The following TCF19 variants were observed in gnomAD, a reference collection of about 807,000 sequenced individuals.
TCF19 encodes the protein transcription factor 19.
Under a neutral mutation model 18.3 loss-of-function variants are expected in TCF19, and 9 were observed. That is an observed-to-expected ratio of 0.49 (90% CI 0.30 to 0.86). TCF19 has a LOEUF of 0.86. TCF19 is among the 40% of genes least tolerant of loss of function. The probability of loss-of-function intolerance (pLI) is 0.07; values close to 1 mark genes in which losing one functional copy is unlikely to be tolerated. For missense variants in TCF19, 376 were observed against 464.3 expected, an observed-to-expected ratio of 0.81 and a Z score of 1.75; for synonymous variants, 176 against 185.3, an observed-to-expected ratio of 0.95 and a Z score of 0.41.
rs1345807751 is a variant in TCF19 at position 31,159,439 on chromosome 6, T to A, written c.-31T>A. 21 of 1,506,522 alleles carry A rather than the reference T, an allele frequency of 1.4e-5. No individual in the cohort carries two copies. The East Asian group carries it at 5.0e-4, about 36-fold the overall frequency. The allele number at this position is 1,506,522 out of a possible 1,614,324, so 93.3% of individuals were successfully genotyped here. Reference sequence around the variant, plus strand: ...TGGGAAAGGAAATGGATGCCTGAAGTGGAAGAGGTGGTGCAGAGGGGGCAC... The same window carrying A: ...TGGGAAAGGAAATGGATGCCTGAAGAGGAAGAGGTGGTGCAGAGGGGGCAC... On this transcript the variant is annotated 5_prime_UTR_variant, in exon 2 of 4. Transcript: ENST00000376257.
chr6:31,161,814 G>A lies in TCF19; in HGVS notation c.606G>A (p.Leu202=). The change falls in exon 3 of 4, where the codon CTG becomes CTA. Residue 202 remains leucine (L), a synonymous_variant. Coordinates refer to ENST00000376257, the MANE Select transcript of TCF19 (RefSeq NM_007109.3). ...FSPSWGGPKS[L]PVPAPPGEMG... is the part of the protein sequence containing the mutation. ...CTAGTTGGGGTGGACCAAAGAGCCT[G>A]CCTGTTCCCGCCCCACCTGGGGAAA... 6.2e-7 allele frequency: 1 copy of A among 1,612,294 alleles called. No individual in the cohort carries two copies. The highest frequency in any genetic ancestry group is 1.1e-5 in the South Asian group (1 of 91,004).
Position 31,163,265 on chromosome 6 carries a change from G to A in TCF19, c.*548G>A. ...CTCCTGGGCATTTACTCTTCTTGTG[G>A]GTCTGTGATATTCCTTGCTTTCCAG... is the stretch of plus-strand genomic sequence containing the variant. On this transcript the variant is annotated 3_prime_UTR_variant, in exon 4 of 4. Transcript: ENST00000376257. 3.0e-6 allele frequency: 3 copies of A among 988,250 alleles called. No individual in the cohort carries two copies. The South Asian group carries it at 1.4e-4, about 46-fold the overall frequency. 61.2% of individuals were successfully genotyped at this position (988,250 alleles called of 1,614,324 possible).
chr6:31,161,400 T>G, intron 2 of TCF19, 47 bp from the exon 3 acceptor site: 1 of 1,340,612 alleles, frequency 7.5e-7, no homozygotes, highest in Non-Finnish European at 9.8e-7. Flanking sequence ...ACTCTGGTCA[T>G]TTCTGTTTTT....
Position 31,163,485 on chromosome 6 carries a change from T to C in TCF19, c.*768T>C. 1.0e-6 allele frequency: 1 copy of C among 985,448 alleles called. No individual in the cohort carries two copies. Among genetic ancestry groups the C allele is most frequent in the Non-Finnish European group, 1.2e-6 (1 of 829,940 alleles). The allele number at this position is 985,448 out of a possible 1,614,324, so 61.0% of individuals were successfully genotyped here. On this transcript the variant is annotated 3_prime_UTR_variant, in exon 4 of 4. Coordinates refer to ENST00000376257, the MANE Select transcript of TCF19 (RefSeq NM_007109.3). The stretch of plus-strand genomic sequence containing the variant: ...TTTAAATAAGGTAACTGGGATTTGG[T>C]TAAGTTCACAAAGATAGCAGAAGAT...
In TCF19 at chr6:31,159,170, T is replaced by C; in HGVS notation, c.-300T>C. ...TGGAGGCTCCCCAAATATTTTGCGA[T>C]CTGAGGATCCAGCTCAAGTGAGGTG... On this transcript the variant is annotated 5_prime_UTR_variant, in exon 2 of 4. Coordinates refer to ENST00000376257, the MANE Select transcript of TCF19 (RefSeq NM_007109.3). 2.4e-6 allele frequency: 1 copy of C among 418,232 alleles called. No individual in the cohort carries two copies. The highest frequency in any genetic ancestry group is 4.3e-6 in the Non-Finnish European group (1 of 234,666). The allele number at this position is 418,232 out of a possible 1,614,324, so 25.9% of individuals were successfully genotyped here.
rs1776961675 is a variant in TCF19, at chr6:31,163,722, A to G, written c.*1005A>G. On this transcript the variant is annotated 3_prime_UTR_variant, in exon 4 of 4. Transcript: ENST00000376257. The stretch of plus-strand genomic sequence containing the variant: ...TTTTGTGAGCCTTACACCAAGCCAA[A>G]CTATTGTCAAAGCATCATTTCTATA... 1.0e-6 allele frequency: 1 copy of G among 985,370 alleles called. No individual in the cohort carries two copies. The highest frequency in any genetic ancestry group is 1.7e-5 in the African/African-American group (1 of 57,238). The allele number at this position is 985,370 out of a possible 1,614,324, so 61.0% of individuals were successfully genotyped here.
chr6:31,161,377 T>A, intron 2 of TCF19, 70 bp from the exon 3 acceptor site: 1 of 1,222,710 alleles, frequency 8.2e-7, no homozygotes, highest in South Asian at 2.5e-5. Context: ...TCATACAGAT[T>A]TCTCCACTCC....
Position 31,162,188 on chromosome 6 carries a change from T to C in TCF19, c.797+183T>C, listed in dbSNP as rs1370493210. Among the ~76,000 whole-genome samples, 1 of 152,042 alleles carries C rather than the reference T, an allele frequency of 6.6e-6. No individual in the cohort carries two copies. The highest frequency in any genetic ancestry group is 6.6e-5 in the Admixed American group (1 of 15,258). ...AATATGTGCAGGAGAACATGAGAGG[T>C]GGGGTGGGGCAGTGCTTATAAAACA... On this transcript the variant is annotated intron_variant, in intron 3 of 3. Transcript: ENST00000376257. This position sits in a 1 kb window ranked among gnomAD's most constrained non-coding sequence, Gnocchi z 4.5.
At position 31,160,691 on chromosome 6, in the gene TCF19, G is replaced by A. The variant is rs1776703638; in HGVS notation, c.239-756G>A. ...GCAGAATCACTTGAACCCGGGAGGC[G>A]GAGGTTGCAGTGAGCTGAGATCGCA... On this transcript the variant is annotated intron_variant, in intron 2 of 3. Transcript: ENST00000376257. Among the ~76,000 whole-genome samples the A allele has an allele frequency of 3.9e-5, 6 of 152,196 alleles. No individual in the cohort carries two copies. The South Asian group carries it at 1.0e-3, about 26-fold the overall frequency.
Position 31,163,638 on chromosome 6 carries a change from G to A in TCF19, c.*921G>A. 1.0e-6 allele frequency: 1 copy of A among 985,468 alleles called. No individual in the cohort carries two copies. The highest frequency in any genetic ancestry group is 1.7e-5 in the African/African-American group (1 of 57,340). 61.0% of individuals were successfully genotyped at this position (985,468 alleles called of 1,614,324 possible). On this transcript the variant is annotated 3_prime_UTR_variant, in exon 4 of 4. Transcript: ENST00000376257. ...GGTGGACACAGCAGAGGGCAACTGG[G>A]CTGGCCTGGTTCAGTGTGAATCAAA...
At position 31,162,120 on chromosome 6, in the gene TCF19, GAT is replaced by G; in HGVS notation, c.797+116_797+117del. ...GGGGATGGGCACGGGAGGTGGAATA[GAT>G]GGAATGGCAAGACCTGGGTTAGCTC... is the stretch of plus-strand genomic sequence containing the variant. On this transcript the variant is annotated intron_variant, in intron 3 of 3. Transcript: ENST00000376257. The surrounding 1 kb of genome is among the most constrained non-coding windows in gnomAD (Gnocchi z 4.5). The G allele has an allele frequency of 2.5e-6, 3 of 1,195,124 alleles. No homozygotes were observed. Among genetic ancestry groups the G allele is most frequent in the Non-Finnish European group, 2.3e-6 (2 of 873,646 alleles). The allele number at this position is 1,195,124 out of a possible 1,614,324, so 74.0% of individuals were successfully genotyped here.
In TCF19 at chr6:31,162,083, C is replaced by T; in HGVS notation, c.797+78C>T. The stretch of plus-strand genomic sequence containing the variant: ...TTGTATCCCTAGGCTGTGAGGAGGT[C>T]CCCCTGCCTGGGGGGATGGGCACGG... On this transcript the variant is annotated intron_variant, in intron 3 of 3. Transcript: ENST00000376257. The surrounding 1 kb of genome is among the most constrained non-coding windows in gnomAD (Gnocchi z 4.5). 6 of 1,461,954 alleles carry T rather than the reference C, an allele frequency of 4.1e-6. No homozygotes were observed. The highest frequency in any genetic ancestry group is 5.5e-6 in the Non-Finnish European group (6 of 1,093,752). 90.6% of individuals were successfully genotyped at this position (1,461,954 alleles called of 1,614,324 possible).
Position 31,162,733 on chromosome 6 carries a change from C to A in TCF19, c.*16C>A. On this transcript the variant is annotated 3_prime_UTR_variant, in exon 4 of 4. Coordinates refer to ENST00000376257, the MANE Select transcript of TCF19 (RefSeq NM_007109.3). This position sits in a 1 kb window ranked among gnomAD's most constrained non-coding sequence, Gnocchi z 4.5. ...TCAGACCTAAGGTCCACTGCCAAGG[C>A]ACCATCGGACACACCTGCCCATGAG... 1.2e-6 allele frequency: 2 copies of A among 1,607,018 alleles called. No individual in the cohort carries two copies. The highest frequency in any genetic ancestry group is 1.1e-5 in the South Asian group (1 of 90,924).
chr6:31,159,504 G>C lies in TCF19; in HGVS notation c.35G>C (p.Gly12Ala), dbSNP rs1776592286. Residue 12 changes from glycine (G) to alanine (A), a missense_variant, in exon 2 of 4, where the codon GGC (glycine) becomes GCC (alanine). Gly to Ala is a moderately conservative substitution (Grantham distance 60). Coordinates refer to ENST00000376257, the MANE Select transcript of TCF19 (RefSeq NM_007109.3). ...TGCTTCCAACTGCTGCGCATAGGGGGCGGCAGGGGCGGTGATCTCTACACC... is the reference window on the plus strand; with the variant it reads ...TGCTTCCAACTGCTGCGCATAGGGGCCGGCAGGGGCGGTGATCTCTACACC... ...LPCFQLLRIG[G>A]GRGGDLYTFH... 6.3e-7 allele frequency: 1 copy of C among 1,589,262 alleles called. No homozygotes were observed. Among genetic ancestry groups the C allele is most frequent in the Admixed American group, 1.8e-5 (1 of 56,400 alleles).
chr6:31,159,765 A>C (rs1776631925), intron 2 of TCF19, 58 bp downstream of exon 2: 1 of 1,575,976 alleles, frequency 6.3e-7, no homozygotes, highest in Admixed American at 1.7e-5. Flanking sequence ...GGCTGGAATG[A>C]GTAAGGTCTC....
rs1446575001 is a variant in TCF19 at position 31,162,809 on chromosome 6, C to T, written c.*92C>T. On this transcript the variant is annotated 3_prime_UTR_variant, in exon 4 of 4. Transcript: ENST00000376257. The surrounding 1 kb of genome is among the most constrained non-coding windows in gnomAD (Gnocchi z 4.5). ...CTGATAAATACCCCCCTTCCCTTCC[C>T]TCCCCAGGAGGGAATGACTACAGGG... 3 of 1,515,020 alleles carry T rather than the reference C, an allele frequency of 2.0e-6. No homozygotes were observed. The highest frequency in any genetic ancestry group is 2.2e-4 in the Middle Eastern group (1 of 4,512). The allele number at this position is 1,515,020 out of a possible 1,614,324, so 93.8% of individuals were successfully genotyped here. A position where few individuals can be genotyped will look rare whatever the true frequency, so the allele number is the denominator to read the frequency against.
chr6:31,163,579 C>T lies in TCF19; in HGVS notation c.*862C>T. 3.0e-6 allele frequency: 3 copies of T among 985,416 alleles called. No homozygotes were observed. Among genetic ancestry groups the T allele is most frequent in the Non-Finnish European group, 2.4e-6 (2 of 829,940 alleles). The allele number at this position is 985,416 out of a possible 1,614,324, so 61.0% of individuals were successfully genotyped here. On this transcript the variant is annotated 3_prime_UTR_variant, in exon 4 of 4. Coordinates refer to ENST00000376257, the MANE Select transcript of TCF19 (RefSeq NM_007109.3). ...TGGTAAACCAGCTACAGCAGTTTAC[C>T]AGTGTGATGGCTGTGACACAGCTCC...
Position 31,163,413 on chromosome 6 carries a change from A to G in TCF19, c.*696A>G. The G allele has an allele frequency of 3.8e-5, 37 of 985,530 alleles. No homozygotes were observed. Among genetic ancestry groups the G allele is most frequent in the Non-Finnish European group, 4.3e-5 (36 of 829,972 alleles). The allele number at this position is 985,530 out of a possible 1,614,324, so 61.0% of individuals were successfully genotyped here. A position where few individuals can be genotyped will look rare whatever the true frequency, so the allele number is the denominator to read the frequency against. On this transcript the variant is annotated 3_prime_UTR_variant, in exon 4 of 4. Coordinates refer to ENST00000376257, the MANE Select transcript of TCF19 (RefSeq NM_007109.3). ...TATGGGTTGAGCTGGAGGTAGGAAT[A>G]CAGGTAATTAAGGTTTCTAGTTTAA...
At position 31,163,745 on chromosome 6, in the gene TCF19, A is replaced by T; in HGVS notation, c.*1028A>T. 1.0e-6 allele frequency: 1 copy of T among 985,474 alleles called. No homozygotes were observed. Among genetic ancestry groups the T allele is most frequent in the South Asian group, 4.7e-5 (1 of 21,286 alleles). The allele number at this position is 985,474 out of a possible 1,614,324, so 61.0% of individuals were successfully genotyped here. On this transcript the variant is annotated 3_prime_UTR_variant, in exon 4 of 4. Coordinates refer to ENST00000376257, the MANE Select transcript of TCF19 (RefSeq NM_007109.3). ...AAACTATTGTCAAAGCATCATTTCT[A>T]TAGAAATAAAGCCTTATCTTGACCT...
Sources: allele counts gnomAD v4.1 joint callset (sites outside exome capture counted in the v4.1 genomes callset), GRCh38; gene constraint gnomAD v4.1.1; non-coding constraint Gnocchi (gnomAD v3.1); transcripts MANE v1.5; gene names NCBI Gene and HGNC (gene_info 2026-07-23, HGNC 2026-07-21).